The following MYPN variants were observed in gnomAD, a reference collection of about 807,000 sequenced individuals.
MYPN encodes sarcomeric protein myopalladin, 145 kDa (MYOP).
A neutral mutation model predicts 129.4 loss-of-function variants in MYPN; 63 were observed. That is an observed-to-expected ratio of 0.49 (90% CI 0.40 to 0.60). The LOEUF is 0.60. MYPN is among the 20% of genes least tolerant of loss of function. The probability of loss-of-function intolerance (pLI) is 0.00; values close to 1 mark genes in which losing one functional copy is unlikely to be tolerated. For synonymous variants in MYPN, 629 were observed against 600.9 expected (o/e 1.05, Z -0.68); for missense variants, 1,596 against 1,635.4 (o/e 0.98, Z 0.42).
intron 15 of MYPN, among the ~76,000 whole-genome samples, chr10:68,195,948 G>A (rs149424600): frequency 3.3e-5 from 5 of 152,106 alleles, no homozygotes; most frequent in East Asian, 1.9e-4. Flanking sequence ...GACTACAGAC[G>A]CATGCCACCA....
At chr10:68,108,944 C>T (rs992749041), upstream of MYPN, among the ~76,000 whole-genome samples, 3 of 152,150 alleles carry the variant, frequency 2.0e-5, no homozygotes, top group African/African-American at 7.2e-5. Context: ...TGGTCTTGAA[C>T]TCCTGACCTC....
chr10:68,152,482 T>C (rs1159814576), intron 6 of MYPN, among the ~76,000 whole-genome samples: 1 of 152,140 alleles, frequency 6.6e-6, no homozygotes, highest in Non-Finnish European at 1.5e-5. Flanking sequence ...CTGGCACGTT[T>C]ATCATGACAG....
chr10:68,089,354 T>C (rs1436195176), intron 1 of MYPN, among the ~76,000 whole-genome samples: 9 of 151,408 alleles, frequency 5.9e-5, no homozygotes, highest in Non-Finnish European at 1.0e-4. Context: ...ATTTGTTTGT[T>C]TGTTTGTTTT....
chr10:68,121,054 G>A (rs555292365), intron 1 of MYPN, among the ~76,000 whole-genome samples: 10 of 152,278 alleles, frequency 6.6e-5, no homozygotes, highest in Admixed American at 3.3e-4. Context: ...TGAGGTGAGC[G>A]GATCACCTGA....
At chr10:68,160,687 C>G (rs1306741933) in intron 7 of MYPN, among the ~76,000 whole-genome samples, 1 of 152,030 alleles carries the variant, frequency 6.6e-6, no homozygotes, top group South Asian at 2.1e-4. Context: ...GAGGCTGAGG[C>G]GGGCGGATCA....
Position 68,206,889 on chromosome 10 carries a change from G to A in MYPN, c.3779G>A (p.Arg1260Lys), listed in dbSNP as rs2134338662. 1.2e-6 allele frequency: 2 copies of A among 1,614,164 alleles called. No individual in the cohort carries two copies. Among genetic ancestry groups the A allele is most frequent in the Non-Finnish European group, 1.7e-6 (2 of 1,180,036 alleles). Reference protein sequence around the residue: ...NEAGIVSCTARLDIYAQWHHQ... With the variant: ...NEAGIVSCTAKLDIYAQWHHQ... Reference sequence around the variant, plus strand: ...GCCGGCATCGTGTCGTGCACTGCCAGGCTGGATATATACGGTAAGTGTAAT... The same window carrying A: ...GCCGGCATCGTGTCGTGCACTGCCAAGCTGGATATATACGGTAAGTGTAAT... Residue 1260 changes from arginine (R) to lysine (K), a missense_variant, in exon 19 of 20, where the codon AGG becomes AAG. Transcript: ENST00000358913.
intron 4 of MYPN, among the ~76,000 whole-genome samples, chr10:68,147,053 TAG>T (rs909774399): frequency 6.6e-6 from 1 of 151,930 alleles, no homozygotes; most frequent in African/African-American, 2.4e-5. Flanking sequence ...CAATGAGCCA[TAG>T]AGAGAGAGAG....
chr10:68,189,717 A>C (rs1327096399), intron 13 of MYPN, among the ~76,000 whole-genome samples: 2 of 152,226 alleles, frequency 1.3e-5, no homozygotes, highest in East Asian at 3.8e-4. Flanking sequence ...TTTATAGCAG[A>C]ATAATATTCC....
Position 68,166,929 on chromosome 10 carries a change from C to T in MYPN, c.1973+263C>T, listed in dbSNP as rs115969891. 3.3e-3 allele frequency among the ~76,000 whole-genome samples: 495 copies of T among 151,960 alleles called. 4 individuals are homozygous for T. Among genetic ancestry groups the T allele is most frequent in the African/African-American group, 0.012 (480 of 41,450 alleles). Reference sequence around the variant, plus strand: ...TGGTGCACACCTATAGTCCTAGCTACGTGGGAGACAGAGGCAGGAGGATCA... The same window carrying T: ...TGGTGCACACCTATAGTCCTAGCTATGTGGGAGACAGAGGCAGGAGGATCA... On this transcript the variant is annotated intron_variant, in intron 10 of 19. Transcript: ENST00000358913.
chr10:68,089,844 A>G (rs2041922998), intron 1 of MYPN, among the ~76,000 whole-genome samples: 2 of 152,188 alleles, frequency 1.3e-5, no homozygotes, highest in Admixed American at 6.5e-5. Context: ...TATATAATGA[A>G]ATGATTAATA....
upstream of MYPN, among the ~76,000 whole-genome samples, chr10:68,108,626 C>T (rs182428154): frequency 2.0e-4 from 30 of 152,286 alleles, no homozygotes; most frequent in African/African-American, 6.7e-4. Flanking sequence ...TTTCAAAGTC[C>T]TGTCTTCTAC....
intron 19 of MYPN, among the ~76,000 whole-genome samples, chr10:68,207,842 C>T (rs2134343414): frequency 6.6e-6 from 1 of 152,278 alleles, no homozygotes; most frequent in East Asian, 1.9e-4. Flanking sequence ...GCTGTCCCAC[C>T]ACCTGGAACA....
At chr10:68,138,688 T>A (rs978919979) in intron 2 of MYPN, among the ~76,000 whole-genome samples, 1 of 152,246 alleles carries the variant, frequency 6.6e-6, no homozygotes, top group Non-Finnish European at 1.5e-5. Context: ...GGTTTGCTGA[T>A]GTTAGCCATT....
Position 68,201,886 on chromosome 10 carries a change from C to G in MYPN, c.3551C>G (p.Pro1184Arg), listed in dbSNP as rs1238775346. The change falls in exon 18 of 20, where the codon CCC (proline) becomes CGC (arginine). Residue 1184 changes from proline (P) to arginine (R), a missense_variant. Pro to Arg is a moderately radical substitution (Grantham distance 103, BLOSUM62 -2). Coordinates refer to ENST00000358913, the MANE Select transcript of MYPN (RefSeq NM_032578.4). ...GAGAAACTACAGAACTGCGGTGTTC[C>G]CGAAGGCCACCCCGTGAGACTGGAG... ...ILEKLQNCGV[P>R]EGHPVRLECR... 1 of 1,614,014 alleles carries G rather than the reference C, an allele frequency of 6.2e-7. No individual in the cohort carries two copies. The highest frequency in any genetic ancestry group is 1.3e-5 in the African/African-American group (1 of 74,902).
chr10:68,176,486 C>T (rs757579602), intron 12 of MYPN, among the ~76,000 whole-genome samples: 4 of 152,132 alleles, frequency 2.6e-5, no homozygotes, highest in Non-Finnish European at 4.4e-5. Flanking sequence ...TCTCGACTTC[C>T]CAGACCATAT....
chr10:68,122,370 A>G, intron 2 of MYPN, 30 bp downstream of exon 2: 2 of 1,608,364 alleles, frequency 1.2e-6, no homozygotes, highest in Non-Finnish European at 1.7e-6. Context: ...AATGCTGAGT[A>G]ATGTTGCTTT....
intron 19 of MYPN, 118 bp downstream of exon 19, chr10:68,207,021 G>C (rs1363558279): frequency 7.9e-7 from 1 of 1,273,466 alleles, no homozygotes; most frequent in Non-Finnish European, 1.1e-6. Flanking sequence ...ACTTTGGGAG[G>C]CCGAGGCAGG....
At chr10:68,200,747 G>A (rs2043696013) in intron 17 of MYPN, among the ~76,000 whole-genome samples, 1 of 151,570 alleles carries the variant, frequency 6.6e-6, no homozygotes, top group Non-Finnish European at 1.5e-5. Context: ...GACAGAGCAA[G>A]ACTCCATCTC....
intron 12 of MYPN, among the ~76,000 whole-genome samples, chr10:68,183,102 G>A: frequency 6.7e-6 from 1 of 148,354 alleles, no homozygotes; most frequent in African/African-American, 2.6e-5. Context: ...GGTGCTTAAA[G>A]CTATATATAA....
Sources: allele counts gnomAD v4.1 joint callset (sites outside exome capture counted in the v4.1 genomes callset), GRCh38; gene constraint gnomAD v4.1.1; transcripts MANE v1.5; gene names NCBI Gene and HGNC (gene_info 2026-07-23, HGNC 2026-07-21).